The following PREX1 variants were observed in gnomAD, a reference collection of about 807,000 sequenced individuals.
PREX1 encodes the protein phosphatidylinositol 3,4,5-trisphosphate-dependent Rac exchanger 1 protein.
Under a neutral mutation model 198.3 loss-of-function variants are expected in PREX1, and 41 were observed. The observed-to-expected ratio is 0.21, with a 90% CI of 0.16 to 0.27. The LOEUF (loss-of-function observed/expected upper bound fraction) is 0.27, where lower values mean the gene tolerates loss of function less well. Among genes scored for constraint, PREX1 ranks in the 10% least tolerant of loss-of-function variants. The probability of loss-of-function intolerance (pLI) is 1.00; values close to 1 mark genes in which losing one functional copy is unlikely to be tolerated. For synonymous variants in PREX1, 843 were observed against 887.2 expected (o/e 0.95, Z 0.89); for missense variants, 1,620 against 2,200.7 (o/e 0.74, Z 5.28).
At chr20:48,679,301 A>G in intron 13 of PREX1, 59 bp downstream of exon 13, 1 of 1,514,390 alleles carries the variant, frequency 6.6e-7, no homozygotes, top group Non-Finnish European at 9.1e-7. Flanking sequence ...TTGCCAGCCC[A>G]AGGCCACACA....
chr20:48,653,567 C>G, intron 19 of PREX1, 70 bp from the exon 20 acceptor site: 1 of 1,548,514 alleles, frequency 6.5e-7, no homozygotes, highest in Non-Finnish European at 8.8e-7. Flanking sequence ...CACTGTCCCC[C>G]ACCACCCACC....
the PREX1 span, among the ~76,000 whole-genome samples, chr20:48,850,997 C>T: frequency 2.6e-5 from 4 of 152,294 alleles, no homozygotes; most frequent in South Asian, 2.1e-4. Flanking sequence ...AAGACTATTT[C>T]GTGACACATG....
intron 1 of PREX1, among the ~76,000 whole-genome samples, chr20:48,822,208 C>T (rs944606345): frequency 6.6e-6 from 1 of 152,238 alleles, no homozygotes; most frequent in African/African-American, 2.4e-5. Context: ...TGGCCTGTTC[C>T]AGGCTCTCCG....
the PREX1 span, among the ~76,000 whole-genome samples, chr20:48,848,496 A>G: frequency 6.6e-6 from 1 of 151,978 alleles, no homozygotes; most frequent in East Asian, 1.9e-4. Context: ...GTCTCAAGCA[A>G]TCTGCCCGCC....
chr20:48,666,313 C>T lies in PREX1; in HGVS notation c.1708G>A (p.Gly570Ser). ...TREEAVALGV[G>S]LCNNGFMHHV... ...TGCATGAAGCCATTGTTGCACAGAC[C>T]CACGCCGAGCGCCACTGCCTCCTCC... The change falls in exon 15 of 40, where the codon GGT becomes AGT. Residue 570 changes from glycine to serine, a missense_variant. Physicochemically the swap from Gly to Ser is moderately conservative, Grantham distance 56. Around this residue, in one of 7 missense-constraint regions of PREX1, gnomAD observed 488 missense variants for 802.5 expected, o/e 0.61. Coordinates refer to ENST00000371941, the MANE Select transcript of PREX1 (RefSeq NM_020820.4). This position sits in a 1 kb window ranked among gnomAD's most constrained non-coding sequence, Gnocchi z 4.3. 1 of 1,570,660 alleles carries T rather than the reference C, an allele frequency of 6.4e-7. No homozygotes were observed. The highest frequency in any genetic ancestry group is 8.6e-7 in the Non-Finnish European group (1 of 1,158,292).
intron 2 of PREX1, among the ~76,000 whole-genome samples, chr20:48,747,584 G>A (rs1457724716): frequency 5.3e-5 from 8 of 152,196 alleles, no homozygotes; most frequent in East Asian, 1.9e-4. Context: ...AGTGGGGCCC[G>A]GGGCTAAAAA....
Position 48,684,610 on chromosome 20 carries a change from C to T in PREX1, c.1335-3275G>A, listed in dbSNP as rs771525356. On this transcript the variant is annotated intron_variant, in intron 10 of 39. Transcript: ENST00000371941. The surrounding 1 kb of genome is among the most constrained non-coding windows in gnomAD (Gnocchi z 4.2). Reference sequence around the variant, plus strand: ...TTTTCCTGACGGCCCCTGCCAGACACGCCGCGTCATACCTGGTAACCCTGA... The same window carrying T: ...TTTTCCTGACGGCCCCTGCCAGACATGCCGCGTCATACCTGGTAACCCTGA... Among the ~76,000 whole-genome samples the T allele has an allele frequency of 1.3e-5, 2 of 152,232 alleles. No individual in the cohort carries two copies. The highest frequency in any genetic ancestry group is 4.8e-5 in the African/African-American group (2 of 41,456).
At position 48,654,160 on chromosome 20, in the gene PREX1, C is replaced by A. The variant is rs186777767; in HGVS notation, c.2210-663G>T. On this transcript the variant is annotated intron_variant, in intron 19 of 39. Transcript: ENST00000371941. ...AACCTTCGGCAAGTCCCTTCACTCT[C>A]TGGAGGCTGGCTTCCTCATCTGTGA... 1.8e-4 allele frequency among the ~76,000 whole-genome samples: 28 copies of A among 152,362 alleles called. No individual in the cohort carries two copies. In the East Asian group the frequency reaches 4.2e-3, roughly 23 times the overall value.
chr20:48,665,186 AC>A (rs1193713273), intron 15 of PREX1, among the ~76,000 whole-genome samples: 3 of 147,746 alleles, frequency 2.0e-5, no homozygotes, highest in Non-Finnish European at 3.0e-5. Context: ...CTAACTCCAG[AC>A]GGCCTGAGTT....
intron 1 of PREX1, among the ~76,000 whole-genome samples, chr20:48,755,467 C>T (rs1454579197): frequency 6.6e-6 from 1 of 152,206 alleles, no homozygotes; most frequent in Admixed American, 6.5e-5. Context: ...GTACAGCATA[C>T]ATGGCATATT....
chr20:48,857,882 G>C, the PREX1 span, among the ~76,000 whole-genome samples: 1 of 152,230 alleles, frequency 6.6e-6, no homozygotes, highest in Non-Finnish European at 1.5e-5. Context: ...GCAACAAGCA[G>C]CCATGCCCAG....
intron 5 of PREX1, among the ~76,000 whole-genome samples, chr20:48,723,643 G>T (rs1478776763): frequency 6.6e-6 from 1 of 152,178 alleles, no homozygotes; most frequent in East Asian, 1.9e-4. Context: ...CAGCCGTCTG[G>T]CCAGGAGAGC....
chr20:48,656,516 C>A (rs1002726750), intron 18 of PREX1: 3 of 456,702 alleles, frequency 6.6e-6, no homozygotes, highest in African/African-American at 4.0e-5. Flanking sequence ...TCTTCCAATG[C>A]GCCAGACACG....
the PREX1 span, among the ~76,000 whole-genome samples, chr20:48,863,422 C>A: frequency 2.0e-5 from 3 of 151,988 alleles, no homozygotes; most frequent in South Asian, 6.2e-4. Context: ...CTAAAATTCT[C>A]CTGTGCTTCA....
intron 1 of PREX1, among the ~76,000 whole-genome samples, chr20:48,816,063 G>T (rs1197011908): frequency 6.6e-6 from 1 of 151,250 alleles, no homozygotes; most frequent in Admixed American, 6.6e-5. Context: ...GATGCTGGGG[G>T]TCTGTGTACT....
intron 35 of PREX1, among the ~76,000 whole-genome samples, chr20:48,631,978 G>A (rs1340534296): frequency 1.3e-5 from 2 of 152,188 alleles, no homozygotes; most frequent in Non-Finnish European, 2.9e-5. Flanking sequence ...CAGTAGGAAA[G>A]ACCCACTTTG....
intron 32 of PREX1, among the ~76,000 whole-genome samples, chr20:48,635,157 G>A (rs757334694): frequency 2.4e-4 from 36 of 152,046 alleles, no homozygotes; most frequent in African/African-American, 8.2e-4. Context: ...GCGTTCATTC[G>A]GTCATCCAAG....
chr20:48,637,783 C>T (rs556392251), intron 30 of PREX1, 31 bp from the exon 31 acceptor site: 64 of 1,412,510 alleles, frequency 4.5e-5, no homozygotes, highest in South Asian at 2.7e-4. Context: ...GAAAGGGGGA[C>T]GGGCTGGGAG....
intron 1 of PREX1, among the ~76,000 whole-genome samples, chr20:48,798,856 A>G (rs924777281): frequency 6.6e-6 from 1 of 152,198 alleles, no homozygotes; most frequent in Admixed American, 6.5e-5. Context: ...ATCGCTTCAG[A>G]TCTATGCAAG....
Sources: gnomAD v4.1 joint callset for allele counts (sites outside exome capture counted in the v4.1 genomes callset) on GRCh38, gnomAD v4.1.1 for gene constraint, gnomAD v4.1.1 regional missense constraint, Gnocchi (gnomAD v3.1) non-coding constraint, MANE v1.5 for transcripts, NCBI Gene and HGNC (gene_info 2026-07-23, HGNC 2026-07-21) for gene names.